The following NRG1 variants were observed in gnomAD, a reference collection of about 807,000 sequenced individuals.
The protein encoded by NRG1 is pro-neuregulin-1, membrane-bound isoform.
NRG1 carries 18 observed loss-of-function variants against 63.8 expected under a neutral mutation model. The ratio of observed to expected loss-of-function variants is 0.28; its 90% confidence interval spans 0.19 to 0.42. The LOEUF (loss-of-function observed/expected upper bound fraction) is 0.42, where lower values mean the gene tolerates loss of function less well. Among genes scored for constraint, NRG1 ranks in the 10% least tolerant of loss-of-function variants. NRG1 has a pLI of 1.00. For synonymous variants in NRG1, 302 were observed against 301.3 expected (o/e 1.00, Z -0.02); for missense variants, 762 against 814.7 (o/e 0.94, Z 0.79).
intron 1 of NRG1, among the ~76,000 whole-genome samples, chr8:32,020,292 G>T (rs1816225752): frequency 6.6e-6 from 1 of 152,122 alleles, no homozygotes; most frequent in South Asian, 2.1e-4. Context: ...CACTATAATT[G>T]TTATTATTAT....
intron 1 of NRG1, among the ~76,000 whole-genome samples, chr8:31,716,369 T>G (rs1052912992): frequency 6.6e-6 from 1 of 152,252 alleles, no homozygotes; most frequent in Non-Finnish European, 1.5e-5. Flanking sequence ...AGTGCTTTCA[T>G]TGGCCTTCCA....
intron 1 of NRG1, among the ~76,000 whole-genome samples, chr8:31,916,549 G>A (rs545098707): frequency 1.3e-5 from 2 of 152,188 alleles, no homozygotes; most frequent in East Asian, 1.9e-4. Context: ...CTTTTTTATG[G>A]CTGCATAGTA....
intron 1 of NRG1, among the ~76,000 whole-genome samples, chr8:32,565,140 C>A (rs1837210867): frequency 6.6e-6 from 1 of 152,114 alleles, no homozygotes; most frequent in South Asian, 2.1e-4. Context: ...ATTCCCATTC[C>A]CCTGTCAGTT....
chr8:32,189,623 G>T (rs1001495824), intron 1 of NRG1, among the ~76,000 whole-genome samples: 1 of 152,160 alleles, frequency 6.6e-6, no homozygotes, highest in African/African-American at 2.4e-5. Flanking sequence ...CTGGGATAAT[G>T]CCTATCAGGG....
intron 1 of NRG1, among the ~76,000 whole-genome samples, chr8:31,703,626 A>G (rs1810847635): frequency 6.6e-6 from 1 of 152,210 alleles, no homozygotes; most frequent in African/African-American, 2.4e-5. Context: ...ATGACCTTAT[A>G]GAGAGACATT....
intron 1 of NRG1, among the ~76,000 whole-genome samples, chr8:32,429,053 G>C (rs1817795217): frequency 6.6e-6 from 1 of 152,110 alleles, no homozygotes; most frequent in Non-Finnish European, 1.5e-5. Context: ...AAAATACCAA[G>C]GTATAGCCTT....
intron 1 of NRG1, among the ~76,000 whole-genome samples, chr8:32,332,561 C>T (rs184645037): frequency 1.3e-5 from 2 of 152,202 alleles, no homozygotes; most frequent in Non-Finnish European, 2.9e-5. Context: ...TACCATATGC[C>T]GGGCACTAAT....
chr8:32,609,594 CCTTCCTTCCTTCCTTCCTTCCTTCCTTT>C (rs1207152884), intron 3 of NRG1, among the ~76,000 whole-genome samples: 1 of 134,296 alleles, frequency 7.4e-6, no homozygotes, highest in African/African-American at 3.0e-5. Flanking sequence ...TTCCTTCCTT[CCTTCCTTCCTTCCTTCCTTCCTTCCTTT>C]CCCTCCCTCC....
intron 1 of NRG1, among the ~76,000 whole-genome samples, chr8:32,434,499 G>A (rs560838341): frequency 2.0e-5 from 3 of 152,136 alleles, no homozygotes; most frequent in East Asian, 1.9e-4. Context: ...AGGATGCCCC[G>A]AATAACTGAA....
At chr8:31,976,660 TGGG>T in intron 1 of NRG1, among the ~76,000 whole-genome samples, 1 of 54,646 alleles carries the variant, frequency 1.8e-5, no homozygotes, top group Non-Finnish European at 3.6e-5. Flanking sequence ...GGATCTGCCA[TGGG>T]TGTGTGTGTG....
At chr8:32,206,267 C>A (rs1427374097) in intron 1 of NRG1, among the ~76,000 whole-genome samples, 3 of 152,102 alleles carry the variant, frequency 2.0e-5, no homozygotes, top group Non-Finnish European at 2.9e-5. Flanking sequence ...CACAGGGTAT[C>A]CTACATTATC....
In NRG1 at chr8:32,109,472, G is replaced by C. The variant is rs561460793; in HGVS notation, c.37+470041G>C. 2.9e-4 allele frequency among the ~76,000 whole-genome samples: 44 copies of C among 152,314 alleles called. 1 individual carries two copies. The highest frequency in any genetic ancestry group is 9.9e-4 in the African/African-American group (41 of 41,558). On this transcript the variant is annotated intron_variant, in intron 1 of 10. Coordinates refer to the NRG1 transcript ENST00000519301. ...AGACCCAGCATCACTCAGCTGGTAG[G>C]TGGTAAAACTGAGAAGAGAATCCAT...
intron 1 of NRG1, among the ~76,000 whole-genome samples, chr8:32,291,324 C>T (rs962912831): frequency 1.9e-4 from 29 of 152,116 alleles, no homozygotes; most frequent in Admixed American, 3.3e-4. Context: ...TTAGCCATCA[C>T]GATATTTTCC....
intron 5 of NRG1, among the ~76,000 whole-genome samples, chr8:32,688,573 G>A (rs796540768): frequency 5.9e-5 from 9 of 152,140 alleles, no homozygotes; most frequent in African/African-American, 2.2e-4. Flanking sequence ...CCCTCATGCA[G>A]TACGTGCACA....
At chr8:32,278,713 TC>T (rs1388641048) in intron 1 of NRG1, among the ~76,000 whole-genome samples, 21 of 152,266 alleles carry the variant, frequency 1.4e-4, no homozygotes, top group South Asian at 6.2e-4. Flanking sequence ...CCTCCCTTCC[TC>T]CTTTCCATGA....
chr8:32,389,812 G>A (rs1485842974), intron 1 of NRG1, among the ~76,000 whole-genome samples: 1 of 150,678 alleles, frequency 6.6e-6, no homozygotes, highest in Non-Finnish European at 1.5e-5. Context: ...CCAGGTTGGA[G>A]TGCAGTGGCG....
chr8:31,772,502 G>A (rs551967748), intron 1 of NRG1, among the ~76,000 whole-genome samples: 14 of 152,216 alleles, frequency 9.2e-5, no homozygotes, highest in Admixed American at 9.2e-4. Context: ...TCTCCTAGTA[G>A]TATCTATTCT....
intron 1 of NRG1, among the ~76,000 whole-genome samples, chr8:31,920,737 C>G (rs1426031092): frequency 6.6e-6 from 1 of 152,026 alleles, no homozygotes; most frequent in Admixed American, 6.6e-5. Flanking sequence ...TTCCCTATCT[C>G]AAAGGGTTGT....
chr8:31,649,545 C>T (rs1426888395), intron 1 of NRG1, among the ~76,000 whole-genome samples: 4 of 152,120 alleles, frequency 2.6e-5, no homozygotes, highest in African/African-American at 7.2e-5. Context: ...ATTTATTCAA[C>T]TCTTAGTTTA....
Sources: allele counts gnomAD v4.1 joint callset (sites outside exome capture counted in the v4.1 genomes callset), GRCh38; gene constraint gnomAD v4.1.1; transcripts MANE v1.5; gene names NCBI Gene and HGNC (gene_info 2026-07-23, HGNC 2026-07-21).